The following SLC35B1 variants were observed in gnomAD, a reference collection of about 807,000 sequenced individuals.
SLC35B1 encodes ATP/ADP exchanger ER.
In SLC35B1, 27 loss-of-function variants were observed where a neutral mutation model predicts 36.6. That is an observed-to-expected ratio of 0.74 (90% CI 0.54 to 1.02). The LOEUF (loss-of-function observed/expected upper bound fraction) is 1.02, where lower values mean the gene tolerates loss of function less well. Among genes scored for constraint, SLC35B1 ranks in the 50% least tolerant of loss-of-function variants. The pLI, the probability that SLC35B1 is intolerant of heterozygous loss-of-function variation, is 0.00. For synonymous variants in SLC35B1, 162 were observed against 152.5 expected, an observed-to-expected ratio of 1.06 and a Z score of -0.46; for missense variants, 321 against 383.2, an observed-to-expected ratio of 0.84 and a Z score of 1.35.
rs1244973367 is a variant in SLC35B1 at position 49,705,207 on chromosome 17, C to T, written c.445G>A (p.Ala149Thr). The change falls in exon 5 of 9, where the codon GCT becomes ACT. Residue 149 changes from alanine (A) to threonine (T), a missense_variant. By Grantham distance (58) the Ala-to-Thr change is moderately conservative (BLOSUM62 0). Transcript: ENST00000240333. ...AKYLCVLLIV[A>T]GVALFMYKPK... is the part of the protein sequence containing the mutation. ...TTGTACATGAAAAGGGCCACTCCAG[C>T]CACAATTAACAGCACACACAGGTAC... 1 of 1,614,186 alleles carries T rather than the reference C, an allele frequency of 6.2e-7. No individual in the cohort carries two copies. The highest frequency in any genetic ancestry group is 8.5e-7 in the Non-Finnish European group (1 of 1,180,024).
intron 3 of SLC35B1, 102 bp downstream of exon 3, chr17:49,706,102 C>T (rs12942157): frequency 2.6e-5 from 22 of 837,322 alleles, no homozygotes; most frequent in Non-Finnish European, 3.3e-5. Context: ...GGACCGTTAT[C>T]TTTTTTTTTT....
intron 1 of SLC35B1, chr17:49,707,282 A>C: frequency 6.8e-7 from 1 of 1,464,980 alleles, no homozygotes; most frequent in African/African-American, 1.4e-5. Context: ...AAAGCCTAAG[A>C]AAAGAATACC....
chr17:49,706,825 T>C, intron 2 of SLC35B1, 140 bp downstream of exon 2: 1 of 647,294 alleles, frequency 1.5e-6, no homozygotes, highest in Non-Finnish European at 2.8e-6. Flanking sequence ...TTTTACAGAC[T>C]TCACAGAGAG....
intron 8 of SLC35B1, chr17:49,701,949 C>G (rs1294802604): frequency 2.6e-6 from 1 of 385,802 alleles, no homozygotes; most frequent in Non-Finnish European, 5.1e-6. Flanking sequence ...AAAAATTGGT[C>G]AGGTATTGTG....
intron 1 of SLC35B1, 27 bp downstream of exon 1, chr17:49,707,703 T>C: frequency 6.2e-7 from 1 of 1,605,568 alleles, no homozygotes; most frequent in South Asian, 1.1e-5. Flanking sequence ...GGGGAGAGAC[T>C]GTCGGCCCGC....
At chr17:49,705,784 G>T in intron 4 of SLC35B1, 82 bp downstream of exon 4, 1 of 1,373,586 alleles carries the variant, frequency 7.3e-7, no homozygotes, top group Non-Finnish European at 1.0e-6. Context: ...TGATGAAGCC[G>T]AGAGGGACAC....
At chr17:49,705,775 G>A in intron 4 of SLC35B1, 91 bp downstream of exon 4, 1 of 1,262,794 alleles carries the variant, frequency 7.9e-7, no homozygotes, top group East Asian at 2.3e-5. Flanking sequence ...ATGATGGGAT[G>A]ATGAAGCCGA....
Position 49,701,511 on chromosome 17 carries a change from C to G in SLC35B1, c.917-1G>C. The G allele has an allele frequency of 6.2e-7, 1 of 1,613,426 alleles. No homozygotes were observed. Among genetic ancestry groups the G allele is most frequent in the Non-Finnish European group, 8.5e-7 (1 of 1,179,584 alleles). On this transcript the variant is annotated splice_acceptor_variant, in intron 8 of 8. Coordinates refer to ENST00000240333, the MANE Select transcript of SLC35B1 (RefSeq NM_005827.4). LOFTEE classifies it high-confidence loss of function. ...CCAAACTTGGCATCAAGACCAAGAC[C>G]TATGAAAAGGAAGAAAATGGGCTTA...
intron 6 of SLC35B1, 159 bp downstream of exon 6, chr17:49,703,941 A>C: frequency 1.3e-6 from 1 of 799,698 alleles, no homozygotes; most frequent in South Asian, 1.7e-5. Flanking sequence ...CTGCTGGTGC[A>C]GGTTTTTCCA....
chr17:49,701,621 TA>T, intron 8 of SLC35B1, 111 bp from the exon 9 acceptor site: 1 of 788,238 alleles, frequency 1.3e-6, no homozygotes, highest in Non-Finnish European at 2.2e-6. Flanking sequence ...GGGCTTTAAA[TA>T]AAATACATGT....
At chr17:49,705,830 T>G (rs1274915294) in intron 4 of SLC35B1, 36 bp downstream of exon 4, 2 of 1,606,492 alleles carry the variant, frequency 1.2e-6, no homozygotes, top group Non-Finnish European at 1.7e-6. Context: ...ATAGGAAGAG[T>G]GACGACAGAA....
rs552878786 is a variant in SLC35B1, at chr17:49,701,165, A to G, written c.*293T>C. 156 of 328,552 alleles carry G rather than the reference A, an allele frequency of 4.7e-4. 1 individual carries two copies. The highest frequency in any genetic ancestry group is 3.6e-4 in the Non-Finnish European group (62 of 173,782). 20.4% of individuals were successfully genotyped at this position (328,552 alleles called of 1,614,324 possible). ...TCTTGGAGGAATCGCCCACTCAACC[A>G]TGCTAACCACACCCGTGAGAGGAGC... is the stretch of plus-strand genomic sequence containing the variant. On this transcript the variant is annotated 3_prime_UTR_variant, in exon 9 of 9. Transcript: ENST00000240333.
intron 1 of SLC35B1, chr17:49,707,396 AG>A: frequency 7.0e-6 from 10 of 1,433,606 alleles, no homozygotes; most frequent in Non-Finnish European, 9.2e-6. Flanking sequence ...GAGGACGAAT[AG>A]GTTGTTTGCA....
Position 49,704,240 on chromosome 17 carries a change from G to A in SLC35B1, c.529-14C>T, listed in dbSNP as rs774869286. On this transcript the variant is annotated splice_polypyrimidine_tract_variant and intron_variant, in intron 5 of 8. Coordinates refer to ENST00000240333, the MANE Select transcript of SLC35B1 (RefSeq NM_005827.4). ...CAGCGATAATAGCTGGGAAAGAAAG[G>A]GTGCAGCCTGCAGTGAAGTGGCCAA... The A allele has an allele frequency of 6.2e-7, 1 of 1,611,964 alleles. No homozygotes were observed. The highest frequency in any genetic ancestry group is 1.1e-5 in the South Asian group (1 of 91,000).
Position 49,702,967 on chromosome 17 carries a change from G to A in SLC35B1, c.807C>T (p.Cys269=), listed in dbSNP as rs2073369653. ...ACTTTCGAGTTGTAGTGATGATGGA[G>A]CAGGTCAGGGGACCAAAATACACAA... ...MTVVYFGPLT[C]SIITTTRKFF... The change falls in exon 8 of 9, where the codon TGC becomes TGT. Residue 269 remains cysteine, a synonymous_variant. Transcript: ENST00000240333. 2.5e-6 allele frequency: 4 copies of A among 1,614,004 alleles called. No individual in the cohort carries two copies. Among genetic ancestry groups the A allele is most frequent in the African/African-American group, 2.7e-5 (2 of 74,916 alleles).
intron 1 of SLC35B1, chr17:49,707,484 C>T (rs1187850774): frequency 1.4e-6 from 2 of 1,468,116 alleles, no homozygotes; most frequent in African/African-American, 2.8e-5. Context: ...AAAACGCAGG[C>T]CCTTAGAACC....
chr17:49,708,002 G>T, upstream of SLC35B1: 1 of 1,411,860 alleles, frequency 7.1e-7, no homozygotes, highest in Non-Finnish European at 9.7e-7. Context: ...AGAACTGCCG[G>T]CTCATGGCTG....
intron 2 of SLC35B1, 44 bp downstream of exon 2, chr17:49,706,921 T>C (rs2073425974): frequency 1.4e-6 from 2 of 1,389,646 alleles, no homozygotes; most frequent in African/African-American, 1.4e-5. Flanking sequence ...CTGAGGGAAC[T>C]TGGGGTGGTG....
rs751197479 is a variant in SLC35B1, at chr17:49,703,221, G to T, written c.729C>A (p.Ile243=). 3.7e-5 allele frequency: 60 copies of T among 1,613,856 alleles called. 1 individual carries two copies. In the Admixed American group the frequency reaches 1.0e-3, roughly 27 times the overall value. ...GGGCACTGGTCAGCCCAAAGAGCAG[G>T]ATGTTATAGATGATGGCAGGGTACC... is the stretch of plus-strand genomic sequence containing the variant. ...AERYPAIIYN[I]LLFGLTSALG... The change falls in exon 7 of 9, where the codon ATC becomes ATA. Residue 243 remains isoleucine (I), a synonymous_variant. Transcript: ENST00000240333.
Sources: gnomAD v4.1 joint callset for allele counts on GRCh38, gnomAD v4.1.1 for gene constraint, MANE v1.5 for transcripts, NCBI Gene and HGNC (gene_info 2026-07-23, HGNC 2026-07-21) for gene names.